PAK5: variants seen among roughly 807,000 people sequenced by gnomAD.
PAK5 encodes p21 (RAC1) activated kinase 5.
A neutral mutation model predicts 65.9 loss-of-function variants in PAK5; 16 were observed. That is an observed-to-expected ratio of 0.24 (90% CI 0.16 to 0.37). PAK5 has a LOEUF of 0.37. Among genes scored for constraint, PAK5 ranks in the 10% least tolerant of loss-of-function variants. PAK5 has a pLI of 1.00. For missense variants in PAK5, 785 were observed against 903.9 expected, an observed-to-expected ratio of 0.87 and a Z score of 1.69; for synonymous variants, 371 against 354.9, an observed-to-expected ratio of 1.05 and a Z score of -0.51.
At chr20:9,649,393 G>T (rs1010462109) in intron 2 of PAK5, among the ~76,000 whole-genome samples, 3 of 152,170 alleles carry the variant, frequency 2.0e-5, no homozygotes, top group Admixed American at 1.3e-4. Flanking sequence ...CTGCTTTGAT[G>T]GATGGTTTCA....
chr20:9,832,788 C>T (rs760125979), intron 1 of PAK5, among the ~76,000 whole-genome samples: 12 of 152,208 alleles, frequency 7.9e-5, no homozygotes, highest in South Asian at 2.1e-4. Context: ...ATTTATTAAA[C>T]GTGTGCATTG....
intron 1 of PAK5, among the ~76,000 whole-genome samples, chr20:9,727,142 T>C (rs1166639327): frequency 1.3e-5 from 2 of 152,130 alleles, no homozygotes; most frequent in East Asian, 1.9e-4. Flanking sequence ...ATTTTTCTAA[T>C]TGGCAAAAAA....
At chr20:9,550,455 T>G (rs2045409678) in intron 7 of PAK5, among the ~76,000 whole-genome samples, 1 of 152,062 alleles carries the variant, frequency 6.6e-6, no homozygotes, top group Non-Finnish European at 1.5e-5. Context: ...CCACGAGCCA[T>G]GCTTGTCTTT....
intron 3 of PAK5, among the ~76,000 whole-genome samples, chr20:9,636,052 A>C (rs1600176129): frequency 6.6e-6 from 1 of 152,226 alleles, no homozygotes; most frequent in African/African-American, 2.4e-5. Flanking sequence ...AAGGAAGACC[A>C]CATCAGTTAT....
intron 3 of PAK5, among the ~76,000 whole-genome samples, chr20:9,583,941 C>T (rs966864297): frequency 2.0e-5 from 3 of 152,176 alleles, no homozygotes; most frequent in Admixed American, 6.5e-5. Context: ...AAACTAATAT[C>T]CTAGTCTTTT....
chr20:9,545,618 T>C (rs1250458879), intron 7 of PAK5, among the ~76,000 whole-genome samples: 1 of 152,218 alleles, frequency 6.6e-6, no homozygotes, highest in African/African-American at 2.4e-5. Flanking sequence ...CTCTTAAATA[T>C]TGGGGTTCCC....
At chr20:9,730,644 GAT>G (rs1657744960) in intron 1 of PAK5, among the ~76,000 whole-genome samples, 4 of 152,212 alleles carry the variant, frequency 2.6e-5, no homozygotes, top group African/African-American at 9.6e-5. Flanking sequence ...AAGCTATGAT[GAT>G]ATCGGTGTGT....
intron 1 of PAK5, among the ~76,000 whole-genome samples, chr20:9,758,106 T>A (rs374620482): frequency 1.3e-5 from 2 of 152,320 alleles, no homozygotes; most frequent in East Asian, 1.9e-4. Flanking sequence ...TATACTTTCC[T>A]ACAATAGCAA....
chr20:9,817,812 A>C (rs2049375384), intron 1 of PAK5, among the ~76,000 whole-genome samples: 1 of 152,080 alleles, frequency 6.6e-6, no homozygotes. Context: ...CTTTGCACAC[A>C]CTCTATGATT....
chr20:9,613,982 C>T (rs1489423669), intron 3 of PAK5, among the ~76,000 whole-genome samples: 1 of 152,196 alleles, frequency 6.6e-6, no homozygotes, highest in Admixed American at 6.5e-5. Context: ...GTAAAGACCA[C>T]AGTCTGAAAA....
chr20:9,690,742 CTTTCTTTCT>C (rs1280427598), intron 2 of PAK5, among the ~76,000 whole-genome samples: 3 of 125,672 alleles, frequency 2.4e-5, no homozygotes, highest in Non-Finnish European at 4.9e-5. Flanking sequence ...TTCTTTCTTT[CTTTCTTTCT>C]TTTTTTTTTT....
chr20:9,659,658 A>T (rs1239228552), intron 2 of PAK5, among the ~76,000 whole-genome samples: 1 of 152,182 alleles, frequency 6.6e-6, no homozygotes, highest in African/African-American at 2.4e-5. Context: ...TGCTGTTACG[A>T]GTAAAGAATG....
At chr20:9,628,244 GA>G (rs1306832265) in intron 3 of PAK5, among the ~76,000 whole-genome samples, 1 of 152,170 alleles carries the variant, frequency 6.6e-6, no homozygotes, top group Non-Finnish European at 1.5e-5. Context: ...AACAGATGAG[GA>G]AACAGAAGCT....
chr20:9,809,425 A>G (rs1267129358), intron 1 of PAK5, among the ~76,000 whole-genome samples: 7 of 151,278 alleles, frequency 4.6e-5, no homozygotes, highest in African/African-American at 1.7e-4. Flanking sequence ...AATAAAAAGG[A>G]GAAAACAAGA....
intron 3 of PAK5, among the ~76,000 whole-genome samples, chr20:9,642,765 G>A (rs190604735): frequency 1.3e-5 from 2 of 152,172 alleles, no homozygotes; most frequent in East Asian, 1.9e-4. Flanking sequence ...TAAAATGACA[G>A]CCTCCTTTTG....
At chr20:9,729,039 G>A (rs2048306654) in intron 1 of PAK5, among the ~76,000 whole-genome samples, 1 of 151,592 alleles carries the variant, frequency 6.6e-6, no homozygotes, top group Admixed American at 6.6e-5. Context: ...CCATTTTTTT[G>A]CAAGTTTTCT....
intron 7 of PAK5, among the ~76,000 whole-genome samples, chr20:9,550,056 C>A (rs555699044): frequency 5.7e-4 from 87 of 152,272 alleles, no homozygotes; most frequent in African/African-American, 1.9e-3. Flanking sequence ...TCGTTTTACA[C>A]CAGCATGTAA....
chr20:9,670,648 C>T (rs567985403), intron 2 of PAK5, among the ~76,000 whole-genome samples: 2 of 151,976 alleles, frequency 1.3e-5, no homozygotes, highest in Non-Finnish European at 2.9e-5. Context: ...AATTTGTTTG[C>T]GTTCATTGTA....
chr20:9,673,950 C>T (rs982672376), intron 2 of PAK5, among the ~76,000 whole-genome samples: 1 of 152,176 alleles, frequency 6.6e-6, no homozygotes, highest in Non-Finnish European at 1.5e-5. Flanking sequence ...AAAAGTTAAA[C>T]TGGGCTAATT....
Sources: gnomAD v4.1 joint callset for allele counts (sites outside exome capture counted in the v4.1 genomes callset) on GRCh38, gnomAD v4.1.1 for gene constraint, MANE v1.5 for transcripts, NCBI Gene and HGNC (gene_info 2026-07-23, HGNC 2026-07-21) for gene names.